PCDHGB5: variants seen among roughly 807,000 people sequenced by gnomAD.
PCDHGB5 encodes protocadherin gamma subfamily B, 5, also known as protocadherin gamma-B5.
In PCDHGB5, 48 loss-of-function variants were observed where a neutral mutation model predicts 62.9. That is an observed-to-expected ratio of 0.76 (90% CI 0.61 to 0.97). The LOEUF (loss-of-function observed/expected upper bound fraction) is 0.97, where lower values mean the gene tolerates loss of function less well. Ranked by LOEUF, PCDHGB5 falls within the 50% of genes least tolerant of loss-of-function variation. The probability of loss-of-function intolerance (pLI) is 0.00; values close to 1 mark genes in which losing one functional copy is unlikely to be tolerated. For synonymous variants in PCDHGB5, 474 were observed against 511.2 expected, an observed-to-expected ratio of 0.93 and a Z score of 0.98; for missense variants, 1,118 against 1,198.6, an observed-to-expected ratio of 0.93 and a Z score of 0.99.
Position 141,486,677 on chromosome 5 carries a change from G to A in PCDHGB5, c.2398-8130G>A, listed in dbSNP as rs755512470. ...ACTCCTGGAGCCCAGGAATCGAGATGTATCAGCTTCCTCTTTCATCTCTCT... is the reference window on the plus strand; with the variant it reads ...ACTCCTGGAGCCCAGGAATCGAGATATATCAGCTTCCTCTTTCATCTCTCT... On this transcript the variant is annotated intron_variant, in intron 1 of 3. Transcript: ENST00000617380. This position sits in a 1 kb window ranked among gnomAD's most constrained non-coding sequence, Gnocchi z 5.0. The A allele has an allele frequency of 3.7e-6, 6 of 1,614,060 alleles. No individual in the cohort carries two copies. Among genetic ancestry groups the A allele is most frequent in the Middle Eastern group, 1.6e-4 (1 of 6,062 alleles).
intron 1 of PCDHGB5, among the ~76,000 whole-genome samples, chr5:141,472,030 G>A (rs2099269943): frequency 6.6e-6 from 1 of 152,030 alleles, no homozygotes; most frequent in African/African-American, 2.4e-5. Flanking sequence ...TATGTAGAAA[G>A]CTGTGAAAAG....
chr5:141,495,921 T>C (rs959070876), intron 2 of PCDHGB5, among the ~76,000 whole-genome samples: 1 of 152,196 alleles, frequency 6.6e-6, no homozygotes, highest in Non-Finnish European at 1.5e-5. Context: ...TCTTTCTTTG[T>C]CTCTGTCTCT....
At position 141,511,963 on chromosome 5, in the gene PCDHGB5, AGT is replaced by A. The variant is rs1204123000; in HGVS notation, c.*796_*797del. On this transcript the variant is annotated 3_prime_UTR_variant, in exon 4 of 4. Transcript: ENST00000617380. ...ATGGGGTGGTAAGATAAGGAAGGGA[AGT>A]GTGTGGATGTGGATGGTGGGGGCAT... 1 of 153,636 alleles carries A rather than the reference AGT, an allele frequency of 6.5e-6. No individual in the cohort carries two copies. 9.5% of individuals were successfully genotyped at this position (153,636 alleles called of 1,614,324 possible).
intron 1 of PCDHGB5, among the ~76,000 whole-genome samples, chr5:141,435,225 A>G (rs919735003): frequency 5.9e-5 from 9 of 152,188 alleles, no homozygotes; most frequent in Non-Finnish European, 1.2e-4. Context: ...CTTTCTTTCA[A>G]AGTTCAGTAA....
chr5:141,404,862 C>A, intron 1 of PCDHGB5: 1 of 1,613,848 alleles, frequency 6.2e-7, no homozygotes, highest in Non-Finnish European at 8.5e-7. Context: ...GATAGAGATG[C>A]GCTCAAACAG....
chr5:141,431,389 G>T lies in PCDHGB5; in HGVS notation c.2397+30865G>T, dbSNP rs1213370298. 1 of 1,613,876 alleles carries T rather than the reference G, an allele frequency of 6.2e-7. No homozygotes were observed. Among genetic ancestry groups the T allele is most frequent in the Admixed American group, 1.7e-5 (1 of 60,028 alleles). On this transcript the variant is annotated intron_variant, in intron 1 of 3. Transcript: ENST00000617380. This position sits in a 1 kb window ranked among gnomAD's most constrained non-coding sequence, Gnocchi z 4.8. ...GCGAAGAAAAGGCTGCTCACCACCT[G>T]GTCCTTACGGCCTCCGACGGGGGCG...
At chr5:141,506,863 G>A (rs1162975959) in intron 3 of PCDHGB5, among the ~76,000 whole-genome samples, 1 of 152,120 alleles carries the variant, frequency 6.6e-6, no homozygotes, top group Non-Finnish European at 1.5e-5. Context: ...GAGGACTGGT[G>A]GGTAGAGAAC....
In PCDHGB5 at chr5:141,491,129, C is replaced by T; in HGVS notation, c.2398-3678C>T. On this transcript the variant is annotated intron_variant, in intron 1 of 3. Transcript: ENST00000617380. This position sits in a 1 kb window ranked among gnomAD's most constrained non-coding sequence, Gnocchi z 6.9. Reference sequence around the variant, plus strand: ...TCTACACACACTGGTGAGGTGCGCACAGCCCGGGCCTTACTGGAGGATGAC... The same window carrying T: ...TCTACACACACTGGTGAGGTGCGCATAGCCCGGGCCTTACTGGAGGATGAC... 1.2e-6 allele frequency: 2 copies of T among 1,614,172 alleles called. No individual in the cohort carries two copies. The highest frequency in any genetic ancestry group is 1.7e-6 in the Non-Finnish European group (2 of 1,180,012).
intron 1 of PCDHGB5, among the ~76,000 whole-genome samples, chr5:141,448,700 G>A (rs2098601460): frequency 6.6e-6 from 1 of 152,106 alleles, no homozygotes; most frequent in African/African-American, 2.4e-5. Context: ...CAGCACTTTG[G>A]GAGGCCGAGG....
rs180741728 is a variant in PCDHGB5 at position 141,505,088 on chromosome 5, G to A, written c.2457-305G>A. Among the ~76,000 whole-genome samples the A allele has an allele frequency of 3.7e-3, 563 of 152,300 alleles. 5 individuals carry two copies. Among genetic ancestry groups the A allele is most frequent in the Admixed American group, 0.011 (163 of 15,294 alleles). On this transcript the variant is annotated intron_variant, in intron 2 of 3. Coordinates refer to ENST00000617380, the MANE Select transcript of PCDHGB5 (RefSeq NM_018925.3). ...GAGGCAGGAGAATCGCTTGAACCCA[G>A]GAGGTGGATGTTGCAATGAGCCAAG...
At chr5:141,435,614 C>T (rs1274100711) in intron 1 of PCDHGB5, among the ~76,000 whole-genome samples, 1 of 152,056 alleles carries the variant, frequency 6.6e-6, no homozygotes, top group Non-Finnish European at 1.5e-5. Context: ...ACATTAAATT[C>T]CCCATAACTT....
chr5:141,474,169 T>C (rs1268235616), intron 1 of PCDHGB5, among the ~76,000 whole-genome samples: 2 of 152,232 alleles, frequency 1.3e-5, no homozygotes, highest in Non-Finnish European at 2.9e-5. Context: ...GGCCTTATTA[T>C]TGAGAAAACT....
At chr5:141,475,959 A>T (rs963363028) in intron 1 of PCDHGB5, 15 of 817,720 alleles carry the variant, frequency 1.8e-5, no homozygotes, top group East Asian at 2.6e-5. Context: ...GCGCCCCGGG[A>T]TGAGGCAGAG....
intron 1 of PCDHGB5, among the ~76,000 whole-genome samples, chr5:141,473,313 T>C (rs1173941642): frequency 2.7e-4 from 41 of 152,246 alleles, no homozygotes; most frequent in Non-Finnish European, 5.9e-5. Context: ...GCTATATTAA[T>C]AAGCATTAAG....
chr5:141,415,452 C>T, intron 1 of PCDHGB5: 1 of 1,614,240 alleles, frequency 6.2e-7, no homozygotes, highest in South Asian at 1.1e-5. Flanking sequence ...CCTATTCCCA[C>T]GAGGTCTCTC....
chr5:141,481,913 CAAAAAA>C (rs34114744), intron 1 of PCDHGB5, among the ~76,000 whole-genome samples: 1 of 90,850 alleles, frequency 1.1e-5, no homozygotes. Flanking sequence ...AACTCCATCT[CAAAAAA>C]AAAAAAAAAA....
At chr5:141,492,009 G>C in intron 1 of PCDHGB5, 1 of 617,702 alleles carries the variant, frequency 1.6e-6, no homozygotes, top group Non-Finnish European at 2.7e-6. Flanking sequence ...GATTTCCGCG[G>C]GTGTCGGGGG....
Position 141,511,843 on chromosome 5 carries a change from GT to G in PCDHGB5, c.*674del, listed in dbSNP as rs1413398495. On this transcript the variant is annotated 3_prime_UTR_variant, in exon 4 of 4. Coordinates refer to ENST00000617380, the MANE Select transcript of PCDHGB5 (RefSeq NM_018925.3). ...CCAACGCCCTGGGGACCAGTCTTCT[GT>G]TTTGTTTTTCATTGTTTGACGTTTC... 1 of 156,550 alleles carries G rather than the reference GT, an allele frequency of 6.4e-6. No individual in the cohort carries two copies. The highest frequency in any genetic ancestry group is 2.4e-5 in the African/African-American group (1 of 41,452). The allele number at this position is 156,550 out of a possible 1,614,324, so 9.7% of individuals were successfully genotyped here. A position where few individuals can be genotyped will look rare whatever the true frequency, so the allele number is the denominator to read the frequency against.
intron 1 of PCDHGB5, among the ~76,000 whole-genome samples, chr5:141,484,096 G>T (rs539388257): frequency 6.6e-6 from 1 of 152,244 alleles, no homozygotes; most frequent in Non-Finnish European, 1.5e-5. Flanking sequence ...GTCTTCGTTG[G>T]TAATTAACAA....
Sources: gnomAD v4.1 joint callset for allele counts (sites outside exome capture counted in the v4.1 genomes callset) on GRCh38, gnomAD v4.1.1 for gene constraint, Gnocchi (gnomAD v3.1) non-coding constraint, MANE v1.5 for transcripts, NCBI Gene and HGNC (gene_info 2026-07-23, HGNC 2026-07-21) for gene names.